The following CPA6 variants were observed in gnomAD, a reference collection of about 807,000 sequenced individuals.
CPA6 encodes carboxypeptidase B.
A neutral mutation model predicts 63.3 loss-of-function variants in CPA6; 58 were observed. The observed-to-expected ratio is 0.92, with a 90% CI of 0.74 to 1.14. The LOEUF (loss-of-function observed/expected upper bound fraction) is 1.14, where lower values mean the gene tolerates loss of function less well. Among genes scored for constraint, CPA6 ranks in the 50% most tolerant of loss-of-function variants. The pLI is 0.00. For synonymous variants in CPA6, 185 were observed against 179.0 expected, an observed-to-expected ratio of 1.03 and a Z score of -0.27; for missense variants, 565 against 526.6, an observed-to-expected ratio of 1.07 and a Z score of -0.71.
intron 2 of CPA6, among the ~76,000 whole-genome samples, chr8:67,545,975 C>A (rs969365911): frequency 6.6e-6 from 1 of 152,118 alleles, no homozygotes; most frequent in Non-Finnish European, 1.5e-5. Flanking sequence ...GGTCATGCAC[C>A]TTTTCATCAT....
At chr8:67,692,785 G>A (rs1816838869) in intron 1 of CPA6, among the ~76,000 whole-genome samples, 1 of 152,218 alleles carries the variant, frequency 6.6e-6, no homozygotes, top group African/African-American at 2.4e-5. Flanking sequence ...CTCTGTGAAA[G>A]TGTTGACCTC....
chr8:67,573,561 A>C (rs1813540742), intron 2 of CPA6, among the ~76,000 whole-genome samples: 1 of 151,770 alleles, frequency 6.6e-6, no homozygotes, highest in Non-Finnish European at 1.5e-5. Flanking sequence ...AAATTTAACA[A>C]AGAAAGTGAA....
chr8:67,461,189 C>T (rs1409290798), intron 8 of CPA6, among the ~76,000 whole-genome samples: 2 of 142,924 alleles, frequency 1.4e-5, no homozygotes, highest in Admixed American at 7.1e-5. Context: ...TCTGGTTTTC[C>T]TAGGCAGAGG....
chr8:67,508,619 A>G (rs907988931), intron 5 of CPA6, among the ~76,000 whole-genome samples: 4 of 152,174 alleles, frequency 2.6e-5, no homozygotes, highest in Non-Finnish European at 4.4e-5. Flanking sequence ...GGTCAGAGAG[A>G]CAGGAGGAGA....
At chr8:67,516,235 T>A (rs911738427) in intron 3 of CPA6, among the ~76,000 whole-genome samples, 1 of 152,220 alleles carries the variant, frequency 6.6e-6, no homozygotes, top group African/African-American at 2.4e-5. Flanking sequence ...GCTTCTTCAT[T>A]CATCCAGAAA....
chr8:67,517,554 C>T (rs1812171065), intron 3 of CPA6, among the ~76,000 whole-genome samples: 1 of 152,248 alleles, frequency 6.6e-6, no homozygotes, highest in Admixed American at 6.5e-5. Flanking sequence ...TCTTCCTTTG[C>T]TTGTGTGGTC....
intron 1 of CPA6, among the ~76,000 whole-genome samples, chr8:67,639,402 G>T (rs1164631815): frequency 6.6e-6 from 1 of 151,620 alleles, no homozygotes; most frequent in East Asian, 1.9e-4. Flanking sequence ...GCTACAAGGG[G>T]TATGTGAATG....
At chr8:67,737,275 G>A (rs1198470585) in intron 1 of CPA6, among the ~76,000 whole-genome samples, 4 of 152,090 alleles carry the variant, frequency 2.6e-5, no homozygotes, top group Non-Finnish European at 5.9e-5. Context: ...ACTTGACCAA[G>A]CTCTCTCACC....
chr8:67,737,344 T>C (rs1303425814), intron 1 of CPA6, among the ~76,000 whole-genome samples: 2 of 152,240 alleles, frequency 1.3e-5, no homozygotes, highest in Non-Finnish European at 2.9e-5. Context: ...TAATTTCTAG[T>C]TGTTCTTGAT....
intron 2 of CPA6, among the ~76,000 whole-genome samples, chr8:67,571,898 G>A (rs957156713): frequency 6.6e-6 from 1 of 151,526 alleles, no homozygotes; most frequent in Non-Finnish European, 1.5e-5. Context: ...CTAAGAGTTG[G>A]TTTTTTAAAA....
intron 2 of CPA6, among the ~76,000 whole-genome samples, chr8:67,593,942 A>G (rs1033439552): frequency 1.4e-5 from 2 of 148,142 alleles, no homozygotes; most frequent in Non-Finnish European, 3.0e-5. Context: ...CTAGCTGGTT[A>G]TTTTGCTCGT....
intron 8 of CPA6, among the ~76,000 whole-genome samples, chr8:67,434,510 G>C (rs1810101774): frequency 6.6e-6 from 1 of 152,194 alleles, no homozygotes; most frequent in Non-Finnish European, 1.5e-5. Flanking sequence ...TGCTCTATCA[G>C]CTGTCACTTC....
At chr8:67,567,113 G>C (rs1239170584) in intron 2 of CPA6, among the ~76,000 whole-genome samples, 2 of 152,208 alleles carry the variant, frequency 1.3e-5, no homozygotes, top group African/African-American at 4.8e-5. Flanking sequence ...AGTAATGGTA[G>C]AGGAGAGCCT....
At chr8:67,580,111 A>C (rs961416410) in intron 2 of CPA6, among the ~76,000 whole-genome samples, 3 of 152,222 alleles carry the variant, frequency 2.0e-5, no homozygotes, top group Non-Finnish European at 4.4e-5. Context: ...ACAGGAAAGA[A>C]GGGAATACAA....
intron 1 of CPA6, among the ~76,000 whole-genome samples, chr8:67,686,407 C>T (rs1257674837): frequency 2.0e-5 from 3 of 152,164 alleles, no homozygotes; most frequent in Admixed American, 2.0e-4. Flanking sequence ...AAACCTGGTT[C>T]CGCATAAACA....
intron 1 of CPA6, among the ~76,000 whole-genome samples, chr8:67,714,385 G>T (rs964708367): frequency 2.0e-5 from 3 of 152,322 alleles, no homozygotes; most frequent in South Asian, 2.1e-4. Context: ...AGATCTTAGG[G>T]TATCTCCTAG....
chr8:67,654,822 A>G (rs1446776653), intron 1 of CPA6, among the ~76,000 whole-genome samples: 4 of 152,114 alleles, frequency 2.6e-5, no homozygotes, highest in South Asian at 2.1e-4. Flanking sequence ...CTCTTTTTCT[A>G]CACTGCCCCA....
chr8:67,680,684 T>G (rs564119499), intron 1 of CPA6, among the ~76,000 whole-genome samples: 16 of 152,244 alleles, frequency 1.1e-4, no homozygotes, highest in Admixed American at 1.0e-3. Context: ...GCTAGATATT[T>G]CCACTCTGAA....
rs762395117 is a variant in CPA6, at chr8:67,552,774, CAAAAAAAA to C, written c.193-34735_193-34728del. ...CCTGGGTGACAGAGCAAGACTGTCT[CAAAAAAAA>C]AAAAAAAAAAAAAAAAAAAGAAAAG... is the stretch of plus-strand genomic sequence containing the variant. On this transcript the variant is annotated intron_variant, in intron 2 of 10. Transcript: ENST00000297770. Among the ~76,000 whole-genome samples the C allele has an allele frequency of 3.8e-4, 8 of 20,934 alleles. No homozygotes were observed. In the East Asian group the frequency reaches 0.016, roughly 42 times the overall value. The allele number at this position is 20,934 out of a possible 152,430, so 13.7% of individuals were successfully genotyped here.
Sources: allele counts gnomAD v4.1 joint callset (sites outside exome capture counted in the v4.1 genomes callset), GRCh38; gene constraint gnomAD v4.1.1; transcripts MANE v1.5; gene names NCBI Gene and HGNC (gene_info 2026-07-23, HGNC 2026-07-21).